Variants in RPS6KC1 observed in about 807,000 individuals in gnomAD.
RPS6KC1 encodes inactive ribosomal protein S6 kinase delta-1.
In RPS6KC1, 54 loss-of-function variants were observed where a neutral mutation model predicts 103.8. That is an observed-to-expected ratio of 0.52 (90% CI 0.42 to 0.65). The LOEUF is 0.65. Among genes scored for constraint, RPS6KC1 ranks in the 30% least tolerant of loss-of-function variants. The pLI, the probability that RPS6KC1 is intolerant of heterozygous loss-of-function variation, is 0.00. For missense variants in RPS6KC1, 1,151 were observed against 1,253.8 expected, an observed-to-expected ratio of 0.92 and a Z score of 1.24; for synonymous variants, 439 against 438.7, an observed-to-expected ratio of 1.00 and a Z score of -0.01.
chr1:213,429,634 T>G, the RPS6KC1 span, among the ~76,000 whole-genome samples: 1 of 152,218 alleles, frequency 6.6e-6, no homozygotes, highest in African/African-American at 2.4e-5. Context: ...GCAGATAGTA[T>G]GAAACAGGCC....
chr1:213,417,767 G>A, the RPS6KC1 span, among the ~76,000 whole-genome samples: 1 of 152,154 alleles, frequency 6.6e-6, no homozygotes, highest in African/African-American at 2.4e-5. Flanking sequence ...AACAGGAGAG[G>A]TTGCTCTTTT....
At chr1:213,454,988 T>C in the RPS6KC1 span, among the ~76,000 whole-genome samples, 1 of 152,150 alleles carries the variant, frequency 6.6e-6, no homozygotes, top group African/African-American at 2.4e-5. Context: ...TCGGAGTGCT[T>C]TTCAACAGGT....
At chr1:213,480,006 T>C in the RPS6KC1 span, among the ~76,000 whole-genome samples, 1 of 152,018 alleles carries the variant, frequency 6.6e-6, no homozygotes, top group Admixed American at 6.6e-5. Context: ...CTTTTATTGT[T>C]AAGCCACAAT....
chr1:213,683,582 C>T, the RPS6KC1 span, among the ~76,000 whole-genome samples: 4 of 152,140 alleles, frequency 2.6e-5, no homozygotes, highest in East Asian at 5.8e-4. Flanking sequence ...CAATTTAGCT[C>T]GGCTTGGAAG....
At chr1:213,175,708 A>G (rs1042922029) in intron 7 of RPS6KC1, among the ~76,000 whole-genome samples, 1 of 152,236 alleles carries the variant, frequency 6.6e-6, no homozygotes, top group African/African-American at 2.4e-5. Flanking sequence ...TTTTGTAGCT[A>G]ACAGACTGTT....
Position 213,260,905 on chromosome 1 carries a change from A to G in RPS6KC1, c.2912-653A>G, listed in dbSNP as rs185779813. ...ACAGATAAAAGTGTAATTTGTAGATATTCTAAAATCCCTTATCTTAGCCAA... is the reference window on the plus strand; with the variant it reads ...ACAGATAAAAGTGTAATTTGTAGATGTTCTAAAATCCCTTATCTTAGCCAA... On this transcript the variant is annotated intron_variant, in intron 12 of 14. Coordinates refer to ENST00000366960, the MANE Select transcript of RPS6KC1 (RefSeq NM_012424.6). Among the ~76,000 whole-genome samples the G allele has an allele frequency of 9.1e-4, 138 of 152,328 alleles. 1 individual carries two copies. The highest frequency in any genetic ancestry group is 9.0e-3 in the Admixed American group (138 of 15,294).
chr1:213,319,987 A>G, the RPS6KC1 span, among the ~76,000 whole-genome samples: 69 of 152,316 alleles, frequency 4.5e-4, no homozygotes, highest in African/African-American at 1.0e-3. Context: ...AGACAGAAAT[A>G]TAGCCCCTCT....
chr1:213,657,927 A>G, the RPS6KC1 span, among the ~76,000 whole-genome samples: 2 of 152,186 alleles, frequency 1.3e-5, no homozygotes, highest in Admixed American at 6.5e-5. Context: ...GCAAGTTTGC[A>G]TTTTGGTAGA....
At chr1:213,330,787 G>A in the RPS6KC1 span, among the ~76,000 whole-genome samples, 1 of 152,238 alleles carries the variant, frequency 6.6e-6, no homozygotes, top group East Asian at 1.9e-4. Flanking sequence ...TTGAGAAGGT[G>A]AACGGTGAGG....
At chr1:213,581,096 C>T in the RPS6KC1 span, among the ~76,000 whole-genome samples, 9 of 152,020 alleles carry the variant, frequency 5.9e-5, no homozygotes, top group African/African-American at 1.9e-4. Flanking sequence ...TGAGAGAGAA[C>T]TGTGCCTGGG....
At chr1:213,680,980 G>A in the RPS6KC1 span, among the ~76,000 whole-genome samples, 2 of 152,182 alleles carry the variant, frequency 1.3e-5, no homozygotes, top group South Asian at 2.1e-4. Context: ...GAAACTCAGC[G>A]GTGAGGCCCT....
At position 213,152,386 on chromosome 1, in the gene RPS6KC1, C is replaced by G. The variant is rs2089252655; in HGVS notation, c.836-15472C>G. Among the ~76,000 whole-genome samples the G allele has an allele frequency of 3.4e-5, 5 of 149,220 alleles. 1 individual carries two copies. The highest frequency in any genetic ancestry group is 2.7e-4 in the Admixed American group (4 of 14,858). On this transcript the variant is annotated intron_variant, in intron 6 of 14. Coordinates refer to ENST00000366960, the MANE Select transcript of RPS6KC1 (RefSeq NM_012424.6). Reference sequence around the variant, plus strand: ...GCTGATGGGGCGGGGGGCTGACCCCCCCACCTCCCTCCCGGACGGGGTGGC... The same window carrying G: ...GCTGATGGGGCGGGGGGCTGACCCCGCCACCTCCCTCCCGGACGGGGTGGC...
chr1:213,756,454 C>A, the RPS6KC1 span, among the ~76,000 whole-genome samples: 2 of 152,144 alleles, frequency 1.3e-5, no homozygotes, highest in Admixed American at 6.5e-5. Flanking sequence ...TTGCACTTCA[C>A]AGATATTCAG....
the RPS6KC1 span, among the ~76,000 whole-genome samples, chr1:213,369,740 G>A: frequency 6.6e-6 from 1 of 152,252 alleles, no homozygotes; most frequent in Non-Finnish European, 1.5e-5. Context: ...GGCAGCTGGT[G>A]TGGCCAGCAG....
chr1:213,588,146 G>GCTCAC, the RPS6KC1 span, among the ~76,000 whole-genome samples: 1 of 152,120 alleles, frequency 6.6e-6, no homozygotes, highest in East Asian at 1.9e-4. Flanking sequence ...CACAGTCATA[G>GCTCAC]CTCACCACAG....
At chr1:213,687,771 T>C in the RPS6KC1 span, among the ~76,000 whole-genome samples, 1 of 151,942 alleles carries the variant, frequency 6.6e-6, no homozygotes, top group Admixed American at 6.5e-5. Context: ...TTATCAATAA[T>C]CATGGGGACT....
chr1:213,126,163 T>C (rs2084972299), intron 5 of RPS6KC1, among the ~76,000 whole-genome samples: 1 of 152,106 alleles, frequency 6.6e-6, no homozygotes, highest in Non-Finnish European at 1.5e-5. Context: ...TTTAAGGAAA[T>C]AAGTTTACAT....
the RPS6KC1 span, among the ~76,000 whole-genome samples, chr1:213,812,334 T>C: frequency 3.9e-5 from 6 of 152,224 alleles, no homozygotes; most frequent in African/African-American, 1.4e-4. Context: ...GAAAGCCAAC[T>C]ACTGTCTGAG....
chr1:213,382,533 CTTTT>C, the RPS6KC1 span, among the ~76,000 whole-genome samples: 24 of 134,332 alleles, frequency 1.8e-4, no homozygotes, highest in Non-Finnish European at 2.4e-4. Context: ...TTCACTCCAT[CTTTT>C]TTTTTTTTTT....
Sources: gnomAD v4.1 joint callset for allele counts (sites outside exome capture counted in the v4.1 genomes callset) on GRCh38, gnomAD v4.1.1 for gene constraint, MANE v1.5 for transcripts, NCBI Gene and HGNC (gene_info 2026-07-23, HGNC 2026-07-21) for gene names.